Variants in LYRM4 observed in about 807,000 individuals in gnomAD.
The protein encoded by LYRM4 is LYR motif-containing protein 4.
Under a neutral mutation model 11.7 loss-of-function variants are expected in LYRM4, and 9 were observed. The observed-to-expected ratio is 0.77, with a 90% confidence interval of 0.46 to 1.34. The LOEUF (loss-of-function observed/expected upper bound fraction) is 1.34. Ranked by LOEUF, LYRM4 falls within the 40% of genes most tolerant of loss-of-function variation. The pLI, the probability that LYRM4 is intolerant of heterozygous loss-of-function variation, is 0.00. For missense variants in LYRM4, 133 were observed against 112.5 expected, an observed-to-expected ratio of 1.18 and a Z score of -0.82; for synonymous variants, 42 against 40.4, an observed-to-expected ratio of 1.04 and a Z score of -0.15.
Position 5,211,387 on chromosome 6 carries a change from A to AC in LYRM4, c.207+5230dup, listed in dbSNP as rs897230540. Among the ~76,000 whole-genome samples the AC allele has an allele frequency of 2.7e-4, 41 of 152,158 alleles. 4 individuals are homozygous for AC. Among genetic ancestry groups the AC allele is most frequent in the Non-Finnish European group, 1.5e-5 (1 of 68,038 alleles). On this transcript the variant is annotated intron_variant, in intron 2 of 2. Coordinates refer to ENST00000330636, the MANE Select transcript of LYRM4 (RefSeq NM_020408.6). Reference sequence around the variant, plus strand: ...GTATGGTTTCAGAGACTCAACTACCACTACCCCAAACATCAATAAATTCAG... The same window carrying AC: ...GTATGGTTTCAGAGACTCAACTACCACCTACCCCAAACATCAATAAATTCAG...
At chr6:5,036,130 C>T in the LYRM4 span, among the ~76,000 whole-genome samples, 56 of 151,856 alleles carry the variant, frequency 3.7e-4, no homozygotes, top group Non-Finnish European at 6.6e-4. Context: ...TAAGTAATTC[C>T]TCTGCCCCCT....
chr6:5,255,188 G>A (rs1764609315), intron 1 of LYRM4, among the ~76,000 whole-genome samples: 1 of 152,142 alleles, frequency 6.6e-6, no homozygotes, highest in Admixed American at 6.5e-5. Context: ...GACCATGGCG[G>A]GGGTCTCTGA....
intron 2 of LYRM4, among the ~76,000 whole-genome samples, chr6:5,133,095 G>T (rs182814859): frequency 5.0e-4 from 76 of 152,312 alleles, no homozygotes; most frequent in Non-Finnish European, 8.4e-4. Context: ...GTTGGGCAGG[G>T]TGTGTGTGCT....
the LYRM4 span, among the ~76,000 whole-genome samples, chr6:5,090,000 A>G: frequency 7.3e-4 from 104 of 142,484 alleles, no homozygotes; most frequent in East Asian, 7.2e-3. Flanking sequence ...TTAAGAGTGT[A>G]TTTCCTGAAA....
At chr6:5,226,618 C>A (rs1270854438) in intron 1 of LYRM4, among the ~76,000 whole-genome samples, 2 of 152,122 alleles carry the variant, frequency 1.3e-5, no homozygotes, top group African/African-American at 4.8e-5. Context: ...CTCAGGTGAT[C>A]CGCCCGCCTC....
chr6:5,066,017 T>C, the LYRM4 span: 13,691 of 347,784 alleles, frequency 0.039, 368 homozygotes, highest in Non-Finnish European at 0.049. Flanking sequence ...TGCTTTCACA[T>C]GTGAAAAAAT....
chr6:5,123,371 G>A (rs1168744046), intron 2 of LYRM4, among the ~76,000 whole-genome samples: 1 of 152,206 alleles, frequency 6.6e-6, no homozygotes, highest in Non-Finnish European at 1.5e-5. Context: ...AGGGGGCGGT[G>A]AGCAGGGAAC....
downstream of LYRM4, chr6:5,106,678 C>G (rs1419576617): frequency 6.6e-6 from 1 of 152,264 alleles, no homozygotes; most frequent in Admixed American, 6.5e-5. Context: ...GTCATGACAG[C>G]CAGCCCAGCC....
At chr6:5,070,219 ACT>A in the LYRM4 span, among the ~76,000 whole-genome samples, 1 of 152,182 alleles carries the variant, frequency 6.6e-6, no homozygotes, top group Admixed American at 6.5e-5. Context: ...CCAAAGCCAG[ACT>A]CTAGGAAACT....
intron 2 of LYRM4, among the ~76,000 whole-genome samples, chr6:5,160,825 T>A (rs1006872170): frequency 6.6e-6 from 1 of 152,220 alleles, no homozygotes; most frequent in African/African-American, 2.4e-5. Flanking sequence ...GATGCTCTCC[T>A]TCCCTATGCC....
the LYRM4 span, among the ~76,000 whole-genome samples, chr6:5,078,618 G>C: frequency 6.6e-6 from 1 of 152,094 alleles, no homozygotes; most frequent in Non-Finnish European, 1.5e-5. Flanking sequence ...AGCCCTTAAA[G>C]TTCCTCAATT....
intron 2 of LYRM4, among the ~76,000 whole-genome samples, chr6:5,157,375 G>C (rs1328335565): frequency 6.6e-6 from 1 of 152,038 alleles, no homozygotes; most frequent in Non-Finnish European, 1.5e-5. Context: ...TGCCAGGTTC[G>C]GATTGTCGTT....
At chr6:5,152,942 A>G (rs1758175172) in intron 2 of LYRM4, among the ~76,000 whole-genome samples, 1 of 152,180 alleles carries the variant, frequency 6.6e-6, no homozygotes, top group African/African-American at 2.4e-5. Context: ...TTTATGTGAC[A>G]ACTAGTACTA....
At chr6:5,229,930 G>A (rs17139838) in intron 1 of LYRM4, among the ~76,000 whole-genome samples, 7,458 of 152,248 alleles carry the variant, frequency 0.049, 600 homozygotes, top group African/African-American at 0.16. Flanking sequence ...TAAGATCTTT[G>A]ACCTATAATT....
rs73719720 is a variant in LYRM4, at chr6:5,172,236, C to T, written c.207+44382G>A. ...GAGGCAAGTGAGGATTTGCTGCACA[C>T]CGTGTGTTCCAACATGCTGGGAAAG... is the stretch of plus-strand genomic sequence containing the variant. On this transcript the variant is annotated intron_variant, in intron 2 of 2. Coordinates refer to ENST00000330636, the MANE Select transcript of LYRM4 (RefSeq NM_020408.6). 9.9e-3 allele frequency among the ~76,000 whole-genome samples: 1,510 copies of T among 152,286 alleles called. 32 individuals are homozygous for T. The highest frequency in any genetic ancestry group is 0.043 in the South Asian group (209 of 4,820).
chr6:5,046,370 T>C, the LYRM4 span, among the ~76,000 whole-genome samples: 1 of 152,102 alleles, frequency 6.6e-6, no homozygotes, highest in African/African-American at 2.4e-5. Context: ...ATGATCTCGA[T>C]CTCCTGACCT....
Position 5,134,032 on chromosome 6 carries a change from T to C in LYRM4, c.208-24541A>G, listed in dbSNP as rs75660453. Among the ~76,000 whole-genome samples, 550 of 152,368 alleles carry C rather than the reference T, an allele frequency of 3.6e-3. 2 individuals carry two copies. The highest frequency in any genetic ancestry group is 0.013 in the African/African-American group (532 of 41,596). On this transcript the variant is annotated intron_variant, in intron 2 of 2. Coordinates refer to ENST00000330636, the MANE Select transcript of LYRM4 (RefSeq NM_020408.6). ...CTGAAGGATATTTGGGTTGTTTCCATCTTTTGGCTATTGAAAATAGTGCTG... is the reference window on the plus strand; with the variant it reads ...CTGAAGGATATTTGGGTTGTTTCCACCTTTTGGCTATTGAAAATAGTGCTG...
chr6:5,040,315 CAATA>C, the LYRM4 span, among the ~76,000 whole-genome samples: 4 of 60,566 alleles, frequency 6.6e-5, no homozygotes, highest in African/African-American at 1.9e-4. Flanking sequence ...CTATCTCTAA[CAATA>C]GATAGATAGA....
the LYRM4 span, among the ~76,000 whole-genome samples, chr6:5,035,907 A>C: frequency 2.7e-5 from 4 of 148,992 alleles, no homozygotes; most frequent in Non-Finnish European, 5.9e-5. Flanking sequence ...TTCTAAATTA[A>C]CCTACAGTAT....
Sources: allele counts gnomAD v4.1 joint callset (sites outside exome capture counted in the v4.1 genomes callset), GRCh38; gene constraint gnomAD v4.1.1; transcripts MANE v1.5; gene names NCBI Gene and HGNC (gene_info 2026-07-23, HGNC 2026-07-21).